PCDHGB1: variants seen among roughly 807,000 people sequenced by gnomAD.
PCDHGB1 encodes protocadherin gamma subfamily B, 1.
A neutral mutation model predicts 56.6 loss-of-function variants in PCDHGB1; 34 were observed. The observed-to-expected ratio is 0.60, with a 90% CI of 0.46 to 0.80. The LOEUF (loss-of-function observed/expected upper bound fraction) is 0.80, where lower values mean the gene tolerates loss of function less well. Ranked by LOEUF, PCDHGB1 falls within the 30% of genes least tolerant of loss-of-function variation. The pLI is 0.00. For missense variants in PCDHGB1, 1,278 were observed against 1,204.6 expected, an observed-to-expected ratio of 1.06 and a Z score of -0.90; for synonymous variants, 561 against 505.9, an observed-to-expected ratio of 1.11 and a Z score of -1.46.
At chr5:141,394,952 G>A (rs764724660) in intron 1 of PCDHGB1, 13 of 1,613,738 alleles carry the variant, frequency 8.1e-6, no homozygotes, top group African/African-American at 6.7e-5. Context: ...TGCTTCTGGG[G>A]CTCAGGCTGA....
At chr5:141,417,340 C>T (rs981474163) in intron 1 of PCDHGB1, 2 of 152,874 alleles carry the variant, frequency 1.3e-5, no homozygotes, top group African/African-American at 4.8e-5. Context: ...GATAGGAGAC[C>T]TATAAACCTT....
At position 141,418,775 on chromosome 5, in the gene PCDHGB1, C is replaced by T. The variant is rs773519128; in HGVS notation, c.2409+66106C>T. 4 of 1,613,764 alleles carry T rather than the reference C, an allele frequency of 2.5e-6. No individual in the cohort carries two copies. In the East Asian group the frequency reaches 6.7e-5, roughly 27 times the overall value. ...TACAGGAAACATTCTAACTCAGCAG[C>T]CTTTGGATTTTGAAGAAGTAGAAAG... On this transcript the variant is annotated intron_variant, in intron 1 of 3. Transcript: ENST00000523390.
chr5:141,485,446 C>A lies in PCDHGB1; in HGVS notation c.2410-9361C>A. On this transcript the variant is annotated intron_variant, in intron 1 of 3. Transcript: ENST00000523390. This position sits in a 1 kb window ranked among gnomAD's most constrained non-coding sequence, Gnocchi z 5.7. ...CCCTGCTCATCAAGAACCCAATCGA[C>A]CGAGAGGCACTGTGTGGGCTCAGTG... is the stretch of plus-strand genomic sequence containing the variant. 6.2e-7 allele frequency: 1 copy of A among 1,614,156 alleles called. No individual in the cohort carries two copies. The highest frequency in any genetic ancestry group is 8.5e-7 in the Non-Finnish European group (1 of 1,180,018).
intron 1 of PCDHGB1, among the ~76,000 whole-genome samples, chr5:141,473,404 T>A (rs953797915): frequency 6.6e-6 from 1 of 152,226 alleles, no homozygotes; most frequent in Non-Finnish European, 1.5e-5. Flanking sequence ...TCTTTTTTTC[T>A]TCTTCAGTGG....
chr5:141,374,327 G>C (rs766746841), intron 1 of PCDHGB1: 24 of 1,613,984 alleles, frequency 1.5e-5, no homozygotes, highest in Non-Finnish European at 2.0e-5. Context: ...TCCGCGAAAC[G>C]GCAGCTTGGT....
intron 1 of PCDHGB1, chr5:141,360,157 T>G (rs185682995): frequency 6.2e-7 from 1 of 1,603,294 alleles, no homozygotes; most frequent in African/African-American, 1.3e-5. Context: ...CTCAGGGAGG[T>G]GCGGGCTGGT....
chr5:141,404,300 C>T (rs749132060), intron 1 of PCDHGB1: 3 of 1,613,862 alleles, frequency 1.9e-6, no homozygotes, highest in South Asian at 2.2e-5. Flanking sequence ...TGATAATCCA[C>T]CTGCTTTCTC....
At chr5:141,394,297 C>A (rs375160983) in intron 1 of PCDHGB1, 1 of 1,613,990 alleles carries the variant, frequency 6.2e-7, no homozygotes, top group Non-Finnish European at 8.5e-7. Context: ...ACCGAGGACA[C>A]GCTGCAGGGG....
chr5:141,487,595 G>C lies in PCDHGB1; in HGVS notation c.2410-7212G>C. ...TGTTCGCCCAAGCTGCCCACCCTCT[G>C]ATCTTCTCTATGGGCTAGAGGTGAG... On this transcript the variant is annotated intron_variant, in intron 1 of 3. Coordinates refer to ENST00000523390, the MANE Select transcript of PCDHGB1 (RefSeq NM_018922.3). The surrounding 1 kb of genome is among the most constrained non-coding windows in gnomAD (Gnocchi z 5.0). 1 of 1,614,202 alleles carries C rather than the reference G, an allele frequency of 6.2e-7. No homozygotes were observed. The highest frequency in any genetic ancestry group is 8.5e-7 in the Non-Finnish European group (1 of 1,180,038).
At position 141,490,745 on chromosome 5, in the gene PCDHGB1, C is replaced by A. The variant is rs769031787; in HGVS notation, c.2410-4062C>A. 1 of 1,614,238 alleles carries A rather than the reference C, an allele frequency of 6.2e-7. No homozygotes were observed. Among genetic ancestry groups the A allele is most frequent in the Non-Finnish European group, 8.5e-7 (1 of 1,180,042 alleles). ...GTAGGAAATCAGGTTCAGGGAGCCCCAGCCTCCTCCTTTGTGTATGTCAAC... is the reference window on the plus strand; with the variant it reads ...GTAGGAAATCAGGTTCAGGGAGCCCAAGCCTCCTCCTTTGTGTATGTCAAC... On this transcript the variant is annotated intron_variant, in intron 1 of 3. Transcript: ENST00000523390. The surrounding 1 kb of genome is among the most constrained non-coding windows in gnomAD (Gnocchi z 5.4).
rs761492460 is a variant in PCDHGB1, at chr5:141,389,630, T to C, written c.2409+36961T>C. The C allele has an allele frequency of 9.9e-6, 16 of 1,612,872 alleles. No homozygotes were observed. The Admixed American group carries it at 1.8e-4, about 18-fold the overall frequency. ...ATATGGTGCCGCACGCTGCAGAGCC[T>C]GGCTACTTGGTGACCAAGGTAGTGG... On this transcript the variant is annotated intron_variant, in intron 1 of 3. Coordinates refer to ENST00000523390, the MANE Select transcript of PCDHGB1 (RefSeq NM_018922.3).
In PCDHGB1 at chr5:141,512,243, C is replaced by T. The variant is rs1205585993; in HGVS notation, c.*1070C>T. ...AGGTCCCCTTGAGAGGTCAGAGGGG[C>T]CTCTGTGGGTGCTGGGTACTCCAGA... On this transcript the variant is annotated 3_prime_UTR_variant, in exon 4 of 4. Transcript: ENST00000523390. 2 of 152,728 alleles carry T rather than the reference C, an allele frequency of 1.3e-5. No homozygotes were observed. The highest frequency in any genetic ancestry group is 1.5e-5 in the Non-Finnish European group (1 of 68,138). 9.5% of individuals were successfully genotyped at this position (152,728 alleles called of 1,614,324 possible).
At chr5:141,439,947 T>C (rs2098140958) in intron 1 of PCDHGB1, 1 of 152,516 alleles carries the variant, frequency 6.6e-6, no homozygotes, top group Non-Finnish European at 1.5e-5. Flanking sequence ...TTCTCTATGA[T>C]GCAGATCCGT....
intron 1 of PCDHGB1, chr5:141,394,651 A>G: frequency 6.2e-7 from 1 of 1,611,802 alleles, no homozygotes; most frequent in Admixed American, 1.7e-5. Flanking sequence ...AAGGCCAGCG[A>G]GCCGGGACTC....
At chr5:141,365,333 G>A in intron 1 of PCDHGB1, 2 of 1,613,942 alleles carry the variant, frequency 1.2e-6, no homozygotes, top group East Asian at 2.2e-5. Flanking sequence ...TAAGGTGGTG[G>A]TCACAGTACA....
chr5:141,408,897 T>C (rs1156707427), intron 1 of PCDHGB1: 1 of 1,613,118 alleles, frequency 6.2e-7, no homozygotes, highest in East Asian at 2.2e-5. Context: ...GAAATTTCTG[T>C]CAAGGATACC....
chr5:141,497,495 T>C (rs193075970), intron 2 of PCDHGB1, among the ~76,000 whole-genome samples: 28 of 151,186 alleles, frequency 1.9e-4, no homozygotes, highest in Admixed American at 1.7e-3. Context: ...TCTCTCTCTC[T>C]CCTCTCTCTG....
At chr5:141,389,465 A>G (rs1485260449) in intron 1 of PCDHGB1, 2 of 1,613,184 alleles carry the variant, frequency 1.2e-6, no homozygotes, top group Admixed American at 1.7e-5. Context: ...GCGCCTTCGA[A>G]CTCACACTGC....
At chr5:141,409,904 G>A in intron 1 of PCDHGB1, 3 of 1,613,278 alleles carry the variant, frequency 1.9e-6, no homozygotes, top group Non-Finnish European at 2.5e-6. Flanking sequence ...CCCAGCTCTG[G>A]GTCCTGACGG....
Sources: allele counts gnomAD v4.1 joint callset (sites outside exome capture counted in the v4.1 genomes callset), GRCh38; gene constraint gnomAD v4.1.1; non-coding constraint Gnocchi (gnomAD v3.1); transcripts MANE v1.5; gene names NCBI Gene and HGNC (gene_info 2026-07-23, HGNC 2026-07-21).